The following LRRC63 variants were observed in gnomAD, a reference collection of about 807,000 sequenced individuals.
The protein encoded by LRRC63 is leucine-rich repeat-containing protein 63.
Under a neutral mutation model 49.5 loss-of-function variants are expected in LRRC63, and 40 were observed. The ratio of observed to expected loss-of-function variants is 0.81; its 90% CI spans 0.63 to 1.05. LRRC63 has a LOEUF of 1.05. Among genes scored for constraint, LRRC63 ranks in the 50% least tolerant of loss-of-function variants. LRRC63 has a pLI of 0.00. For missense variants in LRRC63, 636 were observed against 663.1 expected (o/e 0.96, Z 0.45); for synonymous variants, 191 against 221.1 (o/e 0.86, Z 1.21).
exon 9 of LRRC63, chr13:46,266,766 A>C: frequency 6.5e-7 from 1 of 1,549,814 alleles, no homozygotes; most frequent in Non-Finnish European, 8.7e-7. Flanking sequence ...ATGGGAATGA[A>C]CTGAGTTTTT....
chr13:46,271,302 A>G (rs1268592193), intron 9 of LRRC63, among the ~76,000 whole-genome samples: 1 of 152,124 alleles, frequency 6.6e-6, no homozygotes, highest in African/African-American at 2.4e-5. Context: ...ATTAGTTTGA[A>G]GTTTAAAAAA....
At chr13:46,262,013 A>C (rs1240348248) in intron 8 of LRRC63, 21 bp downstream of exon 8, 2 of 756,230 alleles carry the variant, frequency 2.6e-6, no homozygotes, top group Non-Finnish European at 3.7e-6. Flanking sequence ...AGTACACAGA[A>C]AGTTATATGC....
chr13:46,242,813 T>C (rs1032391663), intron 5 of LRRC63, among the ~76,000 whole-genome samples: 8 of 149,036 alleles, frequency 5.4e-5, no homozygotes, highest in African/African-American at 2.0e-4. Context: ...CCCATTAAAG[T>C]GTCTCTTCAA....
At chr13:46,225,929 C>T (rs1437232473) in intron 2 of LRRC63, among the ~76,000 whole-genome samples, 1 of 152,094 alleles carries the variant, frequency 6.6e-6, no homozygotes, top group Non-Finnish European at 1.5e-5. Flanking sequence ...GAAGGAGGGG[C>T]CTGATCAGTT....
rs542323916 is a variant in LRRC63 at position 46,237,377 on chromosome 13, G to A, written c.990+3028G>A. On this transcript the variant is annotated intron_variant, in intron 5 of 9. Coordinates refer to ENST00000595396, the Ensembl canonical transcript of LRRC63. ...ACTATAATGTAAACTATGGACTTGGGTTGATAATGATGTGCCAATGTTGGT... is the reference window on the plus strand; with the variant it reads ...ACTATAATGTAAACTATGGACTTGGATTGATAATGATGTGCCAATGTTGGT... Among the ~76,000 whole-genome samples the A allele has an allele frequency of 7.2e-5, 11 of 152,260 alleles. No individual in the cohort carries two copies. The East Asian group carries it at 2.1e-3, about 29-fold the overall frequency.
intron 7 of LRRC63, among the ~76,000 whole-genome samples, chr13:46,257,305 G>A (rs778763514): frequency 7.2e-5 from 11 of 152,224 alleles, no homozygotes; most frequent in Non-Finnish European, 5.9e-5. Flanking sequence ...AGAGCCTCCA[G>A]ATAGCAATGC....
At chr13:46,213,678 G>T (rs2046163090) in intron 2 of LRRC63, among the ~76,000 whole-genome samples, 2 of 152,178 alleles carry the variant, frequency 1.3e-5, no homozygotes, top group Non-Finnish European at 2.9e-5. Flanking sequence ...GAGTAGTGTT[G>T]TTGGCCCTAA....
rs1361073277 is a variant in LRRC63 at position 46,244,410 on chromosome 13, A to T, written c.991-2117A>T. On this transcript the variant is annotated intron_variant, in intron 5 of 9. Transcript: ENST00000595396. ...TAACAACACTAAGGAGAATAACAAG[A>T]AAGTCATTTTTAAAAAGTGGTGTTT... is the stretch of plus-strand genomic sequence containing the variant. Among the ~76,000 whole-genome samples the T allele has an allele frequency of 3.9e-5, 6 of 152,048 alleles. No individual in the cohort carries two copies. The East Asian group carries it at 1.2e-3, about 29-fold the overall frequency.
At chr13:46,269,697 ATAT>A (rs1263804606) in intron 9 of LRRC63, among the ~76,000 whole-genome samples, 2 of 151,268 alleles carry the variant, frequency 1.3e-5, no homozygotes, top group Non-Finnish European at 2.9e-5. Context: ...CAAAAGTGTA[ATAT>A]TTACATAAAT....
intron 4 of LRRC63, among the ~76,000 whole-genome samples, chr13:46,230,629 T>C (rs186006298): frequency 3.2e-4 from 48 of 152,354 alleles, no homozygotes; most frequent in African/African-American, 9.9e-4. Flanking sequence ...GAAATGTCTT[T>C]GAGGCCTTGT....
At chr13:46,217,091 C>A (rs1335996690) in intron 2 of LRRC63, among the ~76,000 whole-genome samples, 2 of 152,106 alleles carry the variant, frequency 1.3e-5, no homozygotes, top group Non-Finnish European at 2.9e-5. Flanking sequence ...GTGTCTCTGC[C>A]AGGTTTTGGT....
In LRRC63 at chr13:46,230,116, C is replaced by T. The variant is rs2046702430; in HGVS notation, c.832+1383C>T. 1.3e-5 allele frequency among the ~76,000 whole-genome samples: 2 copies of T among 152,154 alleles called. 1 individual carries two copies. Among genetic ancestry groups the T allele is most frequent in the South Asian group, 4.1e-4 (2 of 4,830 alleles). On this transcript the variant is annotated intron_variant, in intron 4 of 9. Transcript: ENST00000595396. ...ATGTCCAACACTGGGAGTTACATTT[C>T]AATATGAGATTTAGAGGGGACAACA... is the stretch of plus-strand genomic sequence containing the variant.
intron 9 of LRRC63, chr13:46,270,536 A>T: frequency 1.2e-6 from 1 of 826,126 alleles, no homozygotes; most frequent in Non-Finnish European, 2.1e-6. Flanking sequence ...TGAAGAAAGT[A>T]AAAACATAAC....
At chr13:46,272,310 A>G (rs772414963) in intron 9 of LRRC63, among the ~76,000 whole-genome samples, 8 of 152,250 alleles carry the variant, frequency 5.3e-5, no homozygotes, top group Non-Finnish European at 7.3e-5. Context: ...AAGAAAAGAT[A>G]TAAACCATAG....
exon 1 of LRRC63, chr13:46,211,952 C>T (rs9595429): frequency 0.33 from 50,818 of 152,500 alleles, 8,649 homozygotes; most frequent in African/African-American, 0.38. Flanking sequence ...CTTAGCGGAC[C>T]CCGGTTGCTA....
chr13:46,213,028 C>T (rs989602472), exon 2 of LRRC63: 5 of 1,537,890 alleles, frequency 3.3e-6, no homozygotes, highest in Non-Finnish European at 4.4e-6. Flanking sequence ...ACTTATTATT[C>T]ATTAAAATGC....
chr13:46,228,731 A>C, exon 4 of LRRC63: 1 of 1,526,558 alleles, frequency 6.6e-7, no homozygotes, highest in Non-Finnish European at 8.9e-7. Context: ...AGACCACCTG[A>C]AGGTAAATGC....
exon 7 of LRRC63, chr13:46,250,398 A>G: frequency 6.6e-7 from 1 of 1,526,140 alleles, no homozygotes; most frequent in South Asian, 1.2e-5. Flanking sequence ...TTGAGAAATA[A>G]TCCTATCAAA....
intron 7 of LRRC63, among the ~76,000 whole-genome samples, chr13:46,255,645 A>AAAAAAAAAAAAAATATAT (rs1555328641): frequency 5.0e-4 from 65 of 129,444 alleles, no homozygotes; most frequent in African/African-American, 1.7e-3. Flanking sequence ...CCCTGCCTCA[A>AAAAAAAAAAAAAATATAT]ATATATATAT....
Sources: allele counts gnomAD v4.1 joint callset (sites outside exome capture counted in the v4.1 genomes callset), GRCh38; gene constraint gnomAD v4.1.1; transcripts MANE v1.5; gene names NCBI Gene and HGNC (gene_info 2026-07-23, HGNC 2026-07-21).